FAT4: variants seen among roughly 807,000 people sequenced by gnomAD.
The protein encoded by FAT4 is protocadherin Fat 4.
A neutral mutation model predicts 303.9 loss-of-function variants in FAT4; 84 were observed. The observed-to-expected ratio is 0.28, with a 90% CI of 0.23 to 0.33. FAT4 has a LOEUF of 0.33. Ranked by LOEUF, FAT4 falls within the 10% of genes least tolerant of loss-of-function variation. FAT4 has a pLI of 1.00. For missense variants in FAT4, 6,005 were observed against 6,146.8 expected, an observed-to-expected ratio of 0.98 and a Z score of 0.77; for synonymous variants, 2,307 against 2,298.8, an observed-to-expected ratio of 1.00 and a Z score of -0.10.
At chr4:125,394,446 C>G (rs1293885758) in intron 2 of FAT4, among the ~76,000 whole-genome samples, 1 of 152,104 alleles carries the variant, frequency 6.6e-6, no homozygotes, top group Non-Finnish European at 1.5e-5. Flanking sequence ...TGGGTTTGTC[C>G]TTTAATTTTT....
In FAT4 at chr4:125,442,478, T is replaced by A. The variant is rs138122906; in HGVS notation, c.7200-3815T>A. Among the ~76,000 whole-genome samples, 550 of 152,264 alleles carry A rather than the reference T, an allele frequency of 3.6e-3. 13 individuals are homozygous for A. The South Asian group carries it at 0.048, about 13-fold the overall frequency. ...TAATCTGAAAGTCCAAAATCTAAAA[T>A]GCACCAAAATCCTAAACTTTTTGAG... On this transcript the variant is annotated intron_variant, in intron 8 of 17. Coordinates refer to ENST00000394329, the MANE Select transcript of FAT4 (RefSeq NM_001291303.3).
chr4:125,356,796 TATAAG>T (rs1192497929), intron 2 of FAT4, among the ~76,000 whole-genome samples: 1 of 149,228 alleles, frequency 6.7e-6, no homozygotes, highest in Non-Finnish European at 1.5e-5. Context: ...TTATAATAAA[TATAAG>T]ATATGATAAT....
intron 11 of FAT4, among the ~76,000 whole-genome samples, chr4:125,465,218 A>T (rs1319260380): frequency 6.6e-6 from 1 of 152,196 alleles, no homozygotes; most frequent in Non-Finnish European, 1.5e-5. Flanking sequence ...GTCCAGTATG[A>T]CATTCACAGA....
rs1296822243 is a variant in FAT4, at chr4:125,321,509, C to G, written c.5098C>G (p.Gln1700Glu). 3 of 1,613,974 alleles carry G rather than the reference C, an allele frequency of 1.9e-6. No individual in the cohort carries two copies. The highest frequency in any genetic ancestry group is 2.5e-6 in the Non-Finnish European group (3 of 1,179,978). Residue 1700 changes from glutamine (Q) to glutamate (E), a missense_variant, in exon 2 of 18, where the codon CAA becomes GAA. Physicochemically the swap from Gln to Glu is conservative, Grantham distance 29. Transcript: ENST00000394329. ...IQTAAILDRE[Q>E]GACLYLVDVY... ...GACCGCAGCCATTCTGGACCGGGAG[C>G]AAGGAGCATGTCTTTACCTGGTGGA...
At chr4:125,421,927 A>G (rs1216686233) in intron 7 of FAT4, among the ~76,000 whole-genome samples, 2 of 152,164 alleles carry the variant, frequency 1.3e-5, no homozygotes, top group Non-Finnish European at 2.9e-5. Flanking sequence ...AAATCAGGAT[A>G]TTCCTTAAAA....
At chr4:125,374,428 A>G (rs1199669820) in intron 2 of FAT4, among the ~76,000 whole-genome samples, 2 of 152,182 alleles carry the variant, frequency 1.3e-5, no homozygotes, top group Admixed American at 6.5e-5. Flanking sequence ...TATTCTTTGG[A>G]AAAAACTCAG....
At chr4:125,379,208 G>A (rs2125997199) in intron 2 of FAT4, among the ~76,000 whole-genome samples, 1 of 150,012 alleles carries the variant, frequency 6.7e-6, no homozygotes, top group African/African-American at 2.4e-5. Context: ...ACATGTTAAA[G>A]CAAATTAAAA....
intron 7 of FAT4, among the ~76,000 whole-genome samples, chr4:125,418,001 T>C (rs1443325974): frequency 6.6e-6 from 1 of 152,206 alleles, no homozygotes; most frequent in Admixed American, 6.5e-5. Flanking sequence ...ATGTGAGTTT[T>C]AGACATCCGG....
At chr4:125,386,322 G>C (rs1733747398) in intron 2 of FAT4, among the ~76,000 whole-genome samples, 1 of 152,160 alleles carries the variant, frequency 6.6e-6, no homozygotes, top group African/African-American at 2.4e-5. Context: ...CTGTTGCCCA[G>C]GCTTGAGTGC....
intron 3 of FAT4, among the ~76,000 whole-genome samples, chr4:125,403,539 T>C (rs2126016611): frequency 6.6e-6 from 1 of 152,208 alleles, no homozygotes; most frequent in African/African-American, 2.4e-5. Context: ...TCTGAACGAC[T>C]CTTGTGGCTT....
At position 125,448,848 on chromosome 4, in the gene FAT4, C is replaced by G. The variant is rs1345575700; in HGVS notation, c.7838C>G (p.Thr2613Ser). 18 of 1,608,262 alleles carry G rather than the reference C, an allele frequency of 1.1e-5. No homozygotes were observed. Among genetic ancestry groups the G allele is most frequent in the Non-Finnish European group, 1.4e-5 (17 of 1,179,386 alleles). ...YYIASGNLGNTFQIDQLTGQV... is the reference protein window; with the variant it reads ...YYIASGNLGNSFQIDQLTGQV... ...ATCGCAAGTGGGAATCTTGGCAATA[C>G]TTTCCAGATTGATCAGTTAACAGGG... The change falls in exon 10 of 18, where the codon ACT (threonine) becomes AGT (serine). Residue 2613 changes from threonine (T) to serine (S), a missense_variant. Coordinates refer to ENST00000394329, the MANE Select transcript of FAT4 (RefSeq NM_001291303.3).
intron 3 of FAT4, 33 bp from the exon 4 acceptor site, chr4:125,406,847 C>A: frequency 6.3e-7 from 1 of 1,597,666 alleles, no homozygotes; most frequent in South Asian, 1.1e-5. Flanking sequence ...TTTTCTACTT[C>A]CAATAGCTCA....
At position 125,450,803 on chromosome 4, in the gene FAT4, A is replaced by C; in HGVS notation, c.9793A>C (p.Ser3265Arg). 1 of 1,614,158 alleles carries C rather than the reference A, an allele frequency of 6.2e-7. No homozygotes were observed. Among genetic ancestry groups the C allele is most frequent in the Non-Finnish European group, 8.5e-7 (1 of 1,180,018 alleles). The change falls in exon 10 of 18, where the codon AGC becomes CGC. Residue 3265 changes from serine to arginine, a missense_variant. Coordinates refer to ENST00000394329, the MANE Select transcript of FAT4 (RefSeq NM_001291303.3). ...CTTCTTGGATTTTGAAACCAAGCAG[A>C]GCTACCATCTTACTGTGAAAGCCTT... ...QGFLDFETKQ[S>R]YHLTVKAFNV... is the part of the protein sequence containing the mutation.
intron 3 of FAT4, among the ~76,000 whole-genome samples, chr4:125,402,448 A>C (rs1734424832): frequency 6.6e-6 from 1 of 152,050 alleles, no homozygotes; most frequent in Non-Finnish European, 1.5e-5. Flanking sequence ...TTGTTAAACC[A>C]TAAAATTACA....
chr4:125,363,426 A>G (rs1732746654), intron 2 of FAT4, among the ~76,000 whole-genome samples: 2 of 151,872 alleles, frequency 1.3e-5, no homozygotes, highest in African/African-American at 4.8e-5. Flanking sequence ...CTTATTTTAG[A>G]TTAAATCATA....
intron 2 of FAT4, among the ~76,000 whole-genome samples, chr4:125,327,700 A>G (rs1210740976): frequency 6.6e-6 from 1 of 152,228 alleles, no homozygotes; most frequent in Non-Finnish European, 1.5e-5. Flanking sequence ...TCATCTTCCA[A>G]TGAATTTACA....
intron 2 of FAT4, among the ~76,000 whole-genome samples, chr4:125,351,498 T>C (rs1251736613): frequency 1.3e-5 from 2 of 151,736 alleles, no homozygotes; most frequent in African/African-American, 4.8e-5. Flanking sequence ...TTTTTTCTAG[T>C]CACATTATTT....
chr4:125,370,501 A>G (rs1733064318), intron 2 of FAT4, among the ~76,000 whole-genome samples: 1 of 152,206 alleles, frequency 6.6e-6, no homozygotes, highest in Admixed American at 6.5e-5. Flanking sequence ...CTTTACAGCC[A>G]TAGGAAGCAC....
At chr4:125,488,082 A>G (rs1727473988) in intron 17 of FAT4, among the ~76,000 whole-genome samples, 1 of 152,256 alleles carries the variant, frequency 6.6e-6, no homozygotes, top group African/African-American at 2.4e-5. Context: ...AATATAGTGA[A>G]AAAAGAGAAA....
Sources: allele counts gnomAD v4.1 joint callset (sites outside exome capture counted in the v4.1 genomes callset), GRCh38; gene constraint gnomAD v4.1.1; transcripts MANE v1.5; gene names NCBI Gene and HGNC (gene_info 2026-07-23, HGNC 2026-07-21).